Variants in LDB3 observed in about 807,000 individuals in gnomAD.
The protein encoded by LDB3 is LIM domain-binding protein 3.
LDB3 carries 49 observed loss-of-function variants against 69.0 expected under a neutral mutation model. The observed-to-expected ratio is 0.71, with a 90% CI of 0.56 to 0.90. The LOEUF (loss-of-function observed/expected upper bound fraction) is 0.90, where lower values mean the gene tolerates loss of function less well. Ranked by LOEUF, LDB3 falls within the 40% of genes least tolerant of loss-of-function variation. The pLI is 0.00. For missense variants in LDB3, 928 were observed against 974.1 expected (o/e 0.95, Z 0.63); for synonymous variants, 387 against 396.2 (o/e 0.98, Z 0.28).
intron 5 of LDB3, among the ~76,000 whole-genome samples, chr10:86,686,821 A>AAG (rs1256005852): frequency 6.4e-5 from 9 of 139,536 alleles, no homozygotes; most frequent in Non-Finnish European, 1.3e-4. Context: ...AAAAAAAAAA[A>AAG]GAAAGAAAAA....
chr10:86,706,821 C>A, intron 8 of LDB3, 102 bp downstream of exon 8: 2 of 1,297,546 alleles, frequency 1.5e-6, no homozygotes, highest in Non-Finnish European at 2.1e-6. Context: ...GTAGTTAGGG[C>A]CCGCAGGCCT....
intron 5 of LDB3, among the ~76,000 whole-genome samples, chr10:86,688,464 T>A (rs1450157020): frequency 1.3e-5 from 2 of 152,092 alleles, no homozygotes; most frequent in Non-Finnish European, 2.9e-5. Flanking sequence ...TGGGGCCCTT[T>A]TGGAGATGCA....
chr10:86,706,485 C>T (rs779050463), intron 7 of LDB3, 46 bp from the exon 8 acceptor site: 2 of 1,603,984 alleles, frequency 1.2e-6, no homozygotes, highest in Non-Finnish European at 1.7e-6. Flanking sequence ...CTCACAGGGT[C>T]TCTAGGCTCC....
intron 2 of LDB3, among the ~76,000 whole-genome samples, chr10:86,676,100 T>A (rs1019291399): frequency 6.6e-6 from 1 of 152,246 alleles, no homozygotes; most frequent in Non-Finnish European, 1.5e-5. Context: ...AAATCTCAAG[T>A]AGCTCTAAGA....
chr10:86,718,871 G>C, intron 12 of LDB3, 24 bp downstream of exon 12: 1 of 1,613,642 alleles, frequency 6.2e-7, no homozygotes, highest in South Asian at 1.1e-5. Context: ...GATGGCATGT[G>C]GGGAGGCCCC....
At chr10:86,670,706 C>CTT (rs1844424576) in intron 2 of LDB3, among the ~76,000 whole-genome samples, 2 of 152,198 alleles carry the variant, frequency 1.3e-5, no homozygotes, top group Admixed American at 1.3e-4. Flanking sequence ...ACTGTGGGGA[C>CTT]TTCTAAAAAT....
intron 8 of LDB3, among the ~76,000 whole-genome samples, chr10:86,708,542 C>T (rs1846528439): frequency 6.6e-6 from 1 of 152,142 alleles, no homozygotes; most frequent in African/African-American, 2.4e-5. Context: ...CACCTTGGCC[C>T]GCCCCCATCA....
intron 5 of LDB3, among the ~76,000 whole-genome samples, chr10:86,683,501 A>C (rs1845276935): frequency 6.6e-6 from 1 of 152,216 alleles, no homozygotes; most frequent in Admixed American, 6.5e-5. Context: ...GTGAGGGGCC[A>C]GGCCCACCTC....
intron 2 of LDB3, among the ~76,000 whole-genome samples, chr10:86,674,198 G>C (rs536302203): frequency 6.6e-5 from 10 of 152,192 alleles, no homozygotes; most frequent in Non-Finnish European, 1.5e-4. Flanking sequence ...GAGTTTTCCT[G>C]AAACTCTCTC....
chr10:86,715,118 T>C (rs553858907), intron 9 of LDB3, among the ~76,000 whole-genome samples: 1 of 152,128 alleles, frequency 6.6e-6, no homozygotes, highest in Admixed American at 6.5e-5. Context: ...GCCAGGGTCT[T>C]AGGCCCTAAG....
At chr10:86,691,777 A>G in intron 5 of LDB3, 119 bp from the exon 6 acceptor site, 2 of 1,186,106 alleles carry the variant, frequency 1.7e-6, no homozygotes, top group Non-Finnish European at 2.5e-6. Context: ...ACAGCAATGG[A>G]TAAAGGCAAG....
At position 86,674,732 on chromosome 10, in the gene LDB3, G is replaced by A. The variant is rs532313322; in HGVS notation, c.94-4635G>A. ...AAAAAACCACAGCTCCAAGGAGTTGGGTGCTTTGGGCCCTTTCTGAAACAC... is the reference window on the plus strand; with the variant it reads ...AAAAAACCACAGCTCCAAGGAGTTGAGTGCTTTGGGCCCTTTCTGAAACAC... On this transcript the variant is annotated intron_variant, in intron 2 of 13. Transcript: ENST00000361373. Among the ~76,000 whole-genome samples the A allele has an allele frequency of 3.3e-5, 5 of 152,290 alleles. No individual in the cohort carries two copies. The South Asian group carries it at 1.0e-3, about 32-fold the overall frequency.
chr10:86,699,694 T>C lies in LDB3; in HGVS notation c.897-6837T>C. The C allele has an allele frequency of 1.7e-6, 2 of 1,206,604 alleles. No homozygotes were observed. 74.7% of individuals were successfully genotyped at this position (1,206,604 alleles called of 1,614,324 possible). On this transcript the variant is annotated intron_variant, in intron 7 of 13. Coordinates refer to ENST00000361373, the MANE Select transcript of LDB3 (RefSeq NM_007078.3). The surrounding 1 kb of genome is among the most constrained non-coding windows in gnomAD (Gnocchi z 4.9). ...AGAGGGCAGGAGGGGTTTGCTGGCA[T>C]AACACCCCAGAACCAAGGGAAATGG...
intron 13 of LDB3, among the ~76,000 whole-genome samples, chr10:86,728,657 A>G (rs1847355510): frequency 6.9e-6 from 1 of 144,024 alleles, no homozygotes; most frequent in Non-Finnish European, 1.5e-5. Context: ...ATCTTGGCTC[A>G]CTGCAACCTC....
At chr10:86,717,896 G>A (rs1418994870) in intron 10 of LDB3, 68 bp from the exon 11 acceptor site, 1 of 1,420,532 alleles carries the variant, frequency 7.0e-7, no homozygotes, top group African/African-American at 1.4e-5. Context: ...ACAGTGTTGG[G>A]GTTCTTCAAA....
rs547683574 is a variant in LDB3, at chr10:86,701,484, C to T, written c.897-5047C>T. Among the ~76,000 whole-genome samples the T allele has an allele frequency of 2.6e-3, 396 of 152,304 alleles. 2 individuals carry two copies. Among genetic ancestry groups the T allele is most frequent in the Non-Finnish European group, 3.0e-3 (203 of 68,016 alleles). ...GCCCCAGGCTGGGTTCCATGTAAAC[C>T]CCTCAGTATAAGCAGGAGAGATGTT... On this transcript the variant is annotated intron_variant, in intron 7 of 13. Coordinates refer to ENST00000361373, the MANE Select transcript of LDB3 (RefSeq NM_007078.3).
chr10:86,722,998 G>A (rs1486340788), intron 12 of LDB3, among the ~76,000 whole-genome samples: 1 of 151,966 alleles, frequency 6.6e-6, no homozygotes, highest in Non-Finnish European at 1.5e-5. Context: ...CCAGCTTGGT[G>A]GCTCACGCCT....
In LDB3 at chr10:86,680,090, G is replaced by A. The variant is rs200420174; in HGVS notation, c.254G>A (p.Arg85His). 2.4e-5 allele frequency: 39 copies of A among 1,614,104 alleles called. No homozygotes were observed. Among genetic ancestry groups the A allele is most frequent in the Non-Finnish European group, 2.5e-5 (30 of 1,179,954 alleles). ...NLSLTLQKSK[R>H]PIPISTTAPP... ...ATTTCTGGTTTCTACAGATCAAAGC[G>A]TCCCATTCCCATCTCCACGACAGCA... The change falls in exon 4 of 14, where the codon CGT (arginine) becomes CAT (histidine). Residue 85 changes from arginine (R) to histidine (H), a missense_variant. Arg to His is a conservative substitution (Grantham distance 29). Transcript: ENST00000361373.
At chr10:86,685,833 T>G in intron 5 of LDB3, 4 of 1,071,824 alleles carry the variant, frequency 3.7e-6, no homozygotes, top group Non-Finnish European at 5.8e-6. Flanking sequence ...TGGGGTACAC[T>G]TGTACCCCTG....
Sources: allele counts gnomAD v4.1 joint callset (sites outside exome capture counted in the v4.1 genomes callset), GRCh38; gene constraint gnomAD v4.1.1; non-coding constraint Gnocchi (gnomAD v3.1); transcripts MANE v1.5; gene names NCBI Gene and HGNC (gene_info 2026-07-23, HGNC 2026-07-21).